The following RAD51B variants were observed in gnomAD, a reference collection of about 807,000 sequenced individuals.
RAD51B encodes the protein DNA repair protein RAD51 homolog 2.
Under a neutral mutation model 42.2 loss-of-function variants are expected in RAD51B, and 38 were observed. The observed-to-expected ratio is 0.90, with a 90% CI of 0.70 to 1.18. The LOEUF is 1.18. RAD51B is among the 50% of genes most tolerant of loss of function. The probability of loss-of-function intolerance (pLI) is 0.00; values close to 1 mark genes in which losing one functional copy is unlikely to be tolerated. For synonymous variants in RAD51B, 154 were observed against 145.2 expected, an observed-to-expected ratio of 1.06 and a Z score of -0.43; for missense variants, 373 against 400.7, an observed-to-expected ratio of 0.93 and a Z score of 0.59.
At chr14:68,344,729 C>T (rs8014795) in intron 8 of RAD51B, among the ~76,000 whole-genome samples, 2 of 151,938 alleles carry the variant, frequency 1.3e-5, no homozygotes, top group Non-Finnish European at 2.9e-5. Flanking sequence ...AGGCAGATCA[C>T]GAGGTCAGGA....
At chr14:68,206,016 A>G (rs2079577274) in intron 7 of RAD51B, among the ~76,000 whole-genome samples, 3 of 152,326 alleles carry the variant, frequency 2.0e-5, no homozygotes, top group African/African-American at 4.8e-5. Flanking sequence ...AGGATCCAGC[A>G]TAGGATTAGG....
intron 7 of RAD51B, among the ~76,000 whole-genome samples, chr14:67,983,990 T>G (rs144415592): frequency 0.068 from 10,359 of 151,644 alleles, 859 homozygotes; most frequent in African/African-American, 0.2. Context: ...CCAGGCTGGA[T>G]TGCAGTGGCG....
intron 10 of RAD51B, among the ~76,000 whole-genome samples, chr14:68,522,340 C>T (rs1324128393): frequency 3.0e-4 from 45 of 152,154 alleles, no homozygotes; most frequent in South Asian, 4.2e-4. Context: ...GAGAGAAAAC[C>T]GAAAAATGCT....
chr14:68,450,861 T>C (rs562852230), intron 9 of RAD51B, among the ~76,000 whole-genome samples: 5 of 152,280 alleles, frequency 3.3e-5, no homozygotes, highest in Admixed American at 6.5e-5. Context: ...AAGAAGGGTA[T>C]ATGGGATTAT....
intron 7 of RAD51B, among the ~76,000 whole-genome samples, chr14:67,996,663 A>T (rs2075390460): frequency 2.0e-5 from 3 of 152,134 alleles, no homozygotes; most frequent in Admixed American, 6.5e-5. Flanking sequence ...GAGGTCTTAG[A>T]GGTAACAATG....
chr14:67,895,847 CTCT>C (rs762520330), intron 7 of RAD51B, among the ~76,000 whole-genome samples: 3 of 151,542 alleles, frequency 2.0e-5, no homozygotes, highest in Non-Finnish European at 4.4e-5. Flanking sequence ...TGTGGATGTC[CTCT>C]TCTTTCATCT....
Position 68,167,294 on chromosome 14 carries a change from C to T in RAD51B, c.757-124590C>T, listed in dbSNP as rs2078773164. Among the ~76,000 whole-genome samples the T allele has an allele frequency of 1.3e-5, 2 of 152,154 alleles. 1 individual carries two copies. Among genetic ancestry groups the T allele is most frequent in the South Asian group, 4.1e-4 (2 of 4,830 alleles). ...TGTTGGACATTCTACATTCTCTCCA[C>T]CCACTTCTTTAATTGCCAACACTGT... is the stretch of plus-strand genomic sequence containing the variant. On this transcript the variant is annotated intron_variant, in intron 7 of 10. Coordinates refer to ENST00000471583, the MANE Select transcript of RAD51B (RefSeq NM_133510.4).
intron 7 of RAD51B, among the ~76,000 whole-genome samples, chr14:67,992,139 C>T (rs533076468): frequency 1.1e-4 from 16 of 152,224 alleles, no homozygotes; most frequent in African/African-American, 3.1e-4. Context: ...TTCTGATTAT[C>T]GCAGTCTGAG....
At position 67,833,379 on chromosome 14, in the gene RAD51B, C is replaced by CA. The variant is rs1199118769; in HGVS notation, c.199-1693dup. Among the ~76,000 whole-genome samples, 9 of 151,032 alleles carry CA rather than the reference C, an allele frequency of 6.0e-5. No individual in the cohort carries two copies. In the South Asian group the frequency reaches 1.5e-3, roughly 25 times the overall value. On this transcript the variant is annotated intron_variant, in intron 3 of 10. Coordinates refer to ENST00000471583, the MANE Select transcript of RAD51B (RefSeq NM_133510.4). ...TGACAGAGTGAGACTCTGTCTTGAA[C>CA]AAAAAAAAGGAGAATTTCAGAATTG...
Position 68,286,447 on chromosome 14 carries a change from A to G in RAD51B, c.757-5437A>G, listed in dbSNP as rs575975013. On this transcript the variant is annotated intron_variant, in intron 7 of 10. Coordinates refer to ENST00000471583, the MANE Select transcript of RAD51B (RefSeq NM_133510.4). ...AGGACCAGATATCACATTCCAACCT[A>G]TTCTATCCCTGGCTGACCACAAACT... Among the ~76,000 whole-genome samples, 24 of 152,312 alleles carry G rather than the reference A, an allele frequency of 1.6e-4. 1 individual carries two copies. Among genetic ancestry groups the G allele is most frequent in the African/African-American group, 5.5e-4 (23 of 41,558 alleles).
intron 7 of RAD51B, among the ~76,000 whole-genome samples, chr14:67,919,787 T>G (rs1268466229): frequency 6.6e-6 from 1 of 152,204 alleles, no homozygotes; most frequent in Admixed American, 6.5e-5. Flanking sequence ...GAAAAAATAC[T>G]TTTTCTCCCC....
rs530739433 is a variant in RAD51B at position 68,525,194 on chromosome 14, G to A, written c.1036+56944G>A. ...ATTATCAGCTTTGGAGATGGAAGGG[G>A]CCATAAGCCGAGGACTGAGGGCCAC... On this transcript the variant is annotated intron_variant, in intron 10 of 10. Transcript: ENST00000487270. 1.8e-4 allele frequency among the ~76,000 whole-genome samples: 28 copies of A among 152,318 alleles called. 1 individual carries two copies. Among genetic ancestry groups the A allele is most frequent in the Admixed American group, 9.1e-4 (14 of 15,312 alleles).
chr14:68,680,709 C>G (rs1893409727), intron 11 of RAD51B, among the ~76,000 whole-genome samples: 1 of 152,104 alleles, frequency 6.6e-6, no homozygotes, highest in Non-Finnish European at 1.5e-5. Context: ...CCCAGTTTCT[C>G]CAAATAAACA....
At chr14:68,069,680 T>C (rs1308013615) in intron 7 of RAD51B, 1 of 152,220 alleles carries the variant, frequency 6.6e-6, no homozygotes, top group East Asian at 1.9e-4. Context: ...TTGTCTAATC[T>C]ACCATTGCTG....
intron 9 of RAD51B, among the ~76,000 whole-genome samples, chr14:68,465,948 A>AT (rs1212537545): frequency 0.028 from 2,555 of 90,270 alleles, 47 homozygotes; most frequent in South Asian, 0.069. Flanking sequence ...CTCAAAAAAA[A>AT]AAAAAATAAA....
rs141588516 is a variant in RAD51B at position 68,370,776 on chromosome 14, G to C, written c.854-40648G>C. ...AAATGAAGAATTGGCCGGGCGCAGTGGCTCATGCCTGTAATCCCAGCACTT... is the reference window on the plus strand; with the variant it reads ...AAATGAAGAATTGGCCGGGCGCAGTCGCTCATGCCTGTAATCCCAGCACTT... On this transcript the variant is annotated intron_variant, in intron 8 of 10. Coordinates refer to ENST00000471583, the MANE Select transcript of RAD51B (RefSeq NM_133510.4). Among the ~76,000 whole-genome samples, 2 of 152,090 alleles carry C rather than the reference G, an allele frequency of 1.3e-5. 1 individual carries two copies. Among genetic ancestry groups the C allele is most frequent in the East Asian group, 3.8e-4 (2 of 5,202 alleles).
rs114477808 is a variant in RAD51B at position 68,047,180 on chromosome 14, C to G, written c.756+159976C>G. ...CATTTTAAACTTCTGTTCTTTAACACCAGAAAGCAAAAGAATGAATAGCAG... is the reference window on the plus strand; with the variant it reads ...CATTTTAAACTTCTGTTCTTTAACAGCAGAAAGCAAAAGAATGAATAGCAG... On this transcript the variant is annotated intron_variant, in intron 7 of 10. Transcript: ENST00000471583. Among the ~76,000 whole-genome samples, 1,224 of 151,800 alleles carry G rather than the reference C, an allele frequency of 8.1e-3. 15 individuals are homozygous for G. Among genetic ancestry groups the G allele is most frequent in the African/African-American group, 0.028 (1,147 of 41,396 alleles).
chr14:68,072,063 TTATATAAA>T (rs1372091964), intron 7 of RAD51B, among the ~76,000 whole-genome samples: 6 of 90,674 alleles, frequency 6.6e-5, no homozygotes, highest in Admixed American at 6.1e-4. Flanking sequence ...TTATATATAT[TTATATAAA>T]TATATAAATA....
At chr14:68,225,985 C>T (rs905263899) in intron 7 of RAD51B, among the ~76,000 whole-genome samples, 8 of 152,148 alleles carry the variant, frequency 5.3e-5, no homozygotes, top group Non-Finnish European at 1.2e-4. Flanking sequence ...AAATCTTGCT[C>T]AAAGATGTTG....
Sources: allele counts gnomAD v4.1 joint callset (sites outside exome capture counted in the v4.1 genomes callset), GRCh38; gene constraint gnomAD v4.1.1; transcripts MANE v1.5; gene names NCBI Gene and HGNC (gene_info 2026-07-23, HGNC 2026-07-21).